FXR2: variants seen among roughly 807,000 people sequenced by gnomAD.
FXR2 encodes FMR1 autosomal homolog 2, also known as RNA-binding protein FXR2.
A neutral mutation model predicts 87.3 loss-of-function variants in FXR2; 9 were observed. That is an observed-to-expected ratio of 0.10 (90% CI 0.06 to 0.18). The LOEUF is 0.18. FXR2 is among the 10% of genes least tolerant of loss of function. The pLI is 1.00. For synonymous variants in FXR2, 331 were observed against 328.3 expected (o/e 1.01, Z -0.09); for missense variants, 661 against 893.6 (o/e 0.74, Z 3.32).
In FXR2 at chr17:7,594,632, G is replaced by C; in HGVS notation, c.910+47C>G. The C allele has an allele frequency of 4.3e-6, 5 of 1,162,078 alleles. No homozygotes were observed. Among genetic ancestry groups the C allele is most frequent in the Middle Eastern group, 1.9e-4 (1 of 5,252 alleles). The allele number at this position is 1,162,078 out of a possible 1,614,324, so 72.0% of individuals were successfully genotyped here. A position where few individuals can be genotyped will look rare whatever the true frequency, so the allele number is the denominator to read the frequency against. ...GATAAAAGCTCAGAATCACTGTAGA[G>C]AATCTTGATTCTGACCTCTAACTGT... On this transcript the variant is annotated intron_variant, in intron 9 of 16. Transcript: ENST00000250113. The surrounding 1 kb of genome is among the most constrained non-coding windows in gnomAD (Gnocchi z 5.1).
At chr17:7,599,253 C>A (rs746751697) in intron 7 of FXR2, among the ~76,000 whole-genome samples, 1 of 151,604 alleles carries the variant, frequency 6.6e-6, no homozygotes, top group Non-Finnish European at 1.5e-5. Context: ...GAGCTGAGAT[C>A]GCACCACTAC....
At position 7,614,575 on chromosome 17, in the gene FXR2, A is replaced by G. The variant is rs1267560198; in HGVS notation, c.-43T>C. ...CGACTCCCCCGGCGGCGGCTGCAGC[A>G]GCAGTCTGAGTGCGGGCCGGGCCAG... On this transcript the variant is annotated 5_prime_UTR_variant, in exon 1 of 17. Coordinates refer to ENST00000250113, the MANE Select transcript of FXR2 (RefSeq NM_004860.4). 2.3e-6 allele frequency: 3 copies of G among 1,326,358 alleles called. No homozygotes were observed. In the South Asian group the frequency reaches 4.6e-5, roughly 20 times the overall value. The allele number at this position is 1,326,358 out of a possible 1,614,324, so 82.2% of individuals were successfully genotyped here. A position where few individuals can be genotyped will look rare whatever the true frequency, so the allele number is the denominator to read the frequency against.
In FXR2 at chr17:7,593,471, G is replaced by A. The variant is rs935309545; in HGVS notation, c.1262C>T (p.Ala421Val). 10 of 1,589,598 alleles carry A rather than the reference G, an allele frequency of 6.3e-6. No homozygotes were observed. Among genetic ancestry groups the A allele is most frequent in the South Asian group, 2.3e-5 (2 of 87,266 alleles). The change falls in exon 12 of 17, where the codon GCG becomes GTG. Residue 421 changes from alanine (A) to valine (V), a missense_variant. By Grantham distance (64) the Ala-to-Val change is moderately conservative (BLOSUM62 0). This residue lies in a region of FXR2 where 409 missense variants were observed against 432.0 expected (regional missense o/e 0.95). Coordinates refer to ENST00000250113, the MANE Select transcript of FXR2 (RefSeq NM_004860.4). The surrounding 1 kb of genome is among the most constrained non-coding windows in gnomAD (Gnocchi z 6.1). ...ATAGCTGCCCCCATAGGTTCGAGTC[G>A]CATGGAGGGAGGAGGAGGAGCTCTC... The part of the protein sequence containing the change: ...TDESSSSSLH[A>V]TRTYGGSYGG...
intron 1 of FXR2, chr17:7,614,201 A>C: frequency 1.5e-6 from 1 of 677,914 alleles, no homozygotes; most frequent in Non-Finnish European, 2.7e-6. Flanking sequence ...AGCCAGGGAC[A>C]ATAATGGCCT....
rs1033909243 is a variant in FXR2, at chr17:7,605,572, T to A, written c.228+73A>T. On this transcript the variant is annotated intron_variant, in intron 3 of 16. Transcript: ENST00000250113. The stretch of plus-strand genomic sequence containing the variant: ...TGGCTTAGTTGGGGAGGAAGGAACA[T>A]GAACCAACCAGAGAAAAGCCTAGAA... The A allele has an allele frequency of 5.0e-6, 4 of 805,082 alleles. No individual in the cohort carries two copies. The South Asian group carries it at 6.0e-5, about 12-fold the overall frequency. The allele number at this position is 805,082 out of a possible 1,614,324, so 49.9% of individuals were successfully genotyped here.
chr17:7,603,690 G>C (rs1337532661), intron 5 of FXR2, 67 bp downstream of exon 5: 5 of 1,503,286 alleles, frequency 3.3e-6, no homozygotes, highest in African/African-American at 1.4e-5. Flanking sequence ...AGTGATGCCT[G>C]GGAGAAATAA....
chr17:7,607,949 C>A (rs1286731671), intron 1 of FXR2, among the ~76,000 whole-genome samples: 1 of 152,004 alleles, frequency 6.6e-6, no homozygotes, highest in Admixed American at 6.6e-5. Context: ...TGGGCCACGA[C>A]CCTGGCTAAT....
intron 1 of FXR2, among the ~76,000 whole-genome samples, chr17:7,607,676 G>A (rs1324047017): frequency 6.6e-6 from 1 of 152,086 alleles, no homozygotes; most frequent in Non-Finnish European, 1.5e-5. Context: ...TGATCCATCT[G>A]CCTCAGCCTC....
intron 1 of FXR2, among the ~76,000 whole-genome samples, chr17:7,606,699 T>G (rs1254407254): frequency 1.3e-5 from 2 of 152,004 alleles, no homozygotes; most frequent in East Asian, 3.9e-4. Context: ...GAAGGAAAAA[T>G]TAAGACTTAA....
At position 7,607,143 on chromosome 17, in the gene FXR2, C is replaced by A. The variant is rs2071809419; in HGVS notation, c.82-994G>T. On this transcript the variant is annotated intron_variant, in intron 1 of 16. Coordinates refer to ENST00000250113, the MANE Select transcript of FXR2 (RefSeq NM_004860.4). ...AGACCAGCCTGCCAACATGGTGAAA[C>A]CCCGTCTCTACTAAAAATACAAAAA... Among the ~76,000 whole-genome samples the A allele has an allele frequency of 2.6e-5, 4 of 151,920 alleles. No homozygotes were observed. In the South Asian group the frequency reaches 8.3e-4, roughly 32 times the overall value.
rs1274101419 is a variant in FXR2 at position 7,594,883 on chromosome 17, A to G, written c.832-126T>C. 48 of 687,634 alleles carry G rather than the reference A, an allele frequency of 7.0e-5. No homozygotes were observed. In the East Asian group the frequency reaches 1.2e-3, roughly 17 times the overall value. The allele number at this position is 687,634 out of a possible 1,614,324, so 42.6% of individuals were successfully genotyped here. ...TGGATAAATTGAGCTCAAGAGTTCA[A>G]GACTAGCCTGGGCAATATGGTGAAA... On this transcript the variant is annotated intron_variant, in intron 8 of 16. Transcript: ENST00000250113. This position sits in a 1 kb window ranked among gnomAD's most constrained non-coding sequence, Gnocchi z 5.1.
chr17:7,613,962 G>A, intron 1 of FXR2: 3 of 444,426 alleles, frequency 6.8e-6, no homozygotes, highest in South Asian at 4.7e-5. Context: ...TGAAAGTGGG[G>A]TGAGTGTTCC....
At chr17:7,605,140 G>A (rs1242451583) in intron 3 of FXR2, among the ~76,000 whole-genome samples, 1 of 143,240 alleles carries the variant, frequency 7.0e-6, no homozygotes, top group African/African-American at 3.0e-5. Context: ...AAGCTGAGGC[G>A]GGTGGATCAC....
In FXR2 at chr17:7,614,525, C is replaced by T; in HGVS notation, c.8G>A (p.Gly3Asp). 4 of 1,490,970 alleles carry T rather than the reference C, an allele frequency of 2.7e-6. No homozygotes were observed. The highest frequency in any genetic ancestry group is 2.7e-6 in the Non-Finnish European group (3 of 1,122,926). The allele number at this position is 1,490,970 out of a possible 1,614,324, so 92.4% of individuals were successfully genotyped here. The change falls in exon 1 of 17, where the codon GGC becomes GAC. Residue 3 changes from glycine (G) to aspartate (D), a missense_variant. Gly to Asp is a moderately conservative substitution (Grantham distance 94, BLOSUM62 -1). Coordinates refer to ENST00000250113, the MANE Select transcript of FXR2 (RefSeq NM_004860.4). The stretch of plus-strand genomic sequence containing the variant: ...CTCCACATCCCCCCCAGAGGCCAGG[C>T]CGCCCATGGCGCCGCCACCGCCTCC... MG[G>D]LASGGDVEPG...
chr17:7,598,286 TA>T (rs534922745), intron 7 of FXR2, among the ~76,000 whole-genome samples: 4 of 150,192 alleles, frequency 2.7e-5, no homozygotes, highest in Admixed American at 6.7e-5. Flanking sequence ...CCATCTCTAC[TA>T]AAAAAAAATA....
chr17:7,601,533 G>A lies in FXR2; in HGVS notation c.544-8C>T, dbSNP rs763396729. On this transcript the variant is annotated splice_region_variant and splice_polypyrimidine_tract_variant and intron_variant, in intron 6 of 16. Coordinates refer to ENST00000250113, the MANE Select transcript of FXR2 (RefSeq NM_004860.4). ...AGGGGCTTCTGTGGTTGACTGGGAGGAAACCAGTGGGAAAGTCATTAAAAC... is the reference window on the plus strand; with the variant it reads ...AGGGGCTTCTGTGGTTGACTGGGAGAAAACCAGTGGGAAAGTCATTAAAAC... 6.6e-7 allele frequency: 1 copy of A among 1,521,908 alleles called. No individual in the cohort carries two copies. Among genetic ancestry groups the A allele is most frequent in the South Asian group, 1.1e-5 (1 of 89,140 alleles). The allele number at this position is 1,521,908 out of a possible 1,614,324, so 94.3% of individuals were successfully genotyped here. A position where few individuals can be genotyped will look rare whatever the true frequency, so the allele number is the denominator to read the frequency against.
intron 1 of FXR2, among the ~76,000 whole-genome samples, chr17:7,609,959 T>TATATATACATGCATAC (rs1567753841): frequency 9.8e-6 from 1 of 101,688 alleles, no homozygotes; most frequent in Non-Finnish European, 2.5e-5. Flanking sequence ...TGTATACATA[T>TATATATACATGCATAC]ATATACATGT....
In FXR2 at chr17:7,599,637, G is replaced by C. The variant is rs2071736770; in HGVS notation, c.660+1772C>G. On this transcript the variant is annotated intron_variant, in intron 7 of 16. Coordinates refer to ENST00000250113, the MANE Select transcript of FXR2 (RefSeq NM_004860.4). ...GACACCTGTAATCCCAACATTTTGG[G>C]AGGTCGAGGTGGGCGGATCACCTGA... is the stretch of plus-strand genomic sequence containing the variant. Among the ~76,000 whole-genome samples, 3 of 152,114 alleles carry C rather than the reference G, an allele frequency of 2.0e-5. No individual in the cohort carries two copies. The South Asian group carries it at 6.2e-4, about 32-fold the overall frequency.
At chr17:7,602,206 G>A (rs143513833) in intron 6 of FXR2, among the ~76,000 whole-genome samples, 4,672 of 152,184 alleles carry the variant, frequency 0.031, 219 homozygotes, top group African/African-American at 0.11. Flanking sequence ...GGCGGATCAC[G>A]ACGTCAGGAG....
Sources: allele counts gnomAD v4.1 joint callset (sites outside exome capture counted in the v4.1 genomes callset), GRCh38; gene constraint gnomAD v4.1.1; regional missense constraint gnomAD v4.1.1; non-coding constraint Gnocchi (gnomAD v3.1); transcripts MANE v1.5; gene names NCBI Gene and HGNC (gene_info 2026-07-23, HGNC 2026-07-21).